Variants in SEC22C observed in about 807,000 individuals in gnomAD.
SEC22C encodes SEC22 homolog C, vesicle trafficking protein, also known as vesicle-trafficking protein SEC22c.
Under a neutral mutation model 34.7 loss-of-function variants are expected in SEC22C, and 29 were observed. The ratio of observed to expected loss-of-function variants is 0.84; its 90% confidence interval spans 0.62 to 1.14. The LOEUF is 1.14. Ranked by LOEUF, SEC22C falls within the 50% of genes most tolerant of loss-of-function variation. SEC22C has a pLI of 0.00. For missense variants in SEC22C, 337 were observed against 369.0 expected (o/e 0.91, Z 0.71); for synonymous variants, 117 against 132.8 (o/e 0.88, Z 0.82).
chr3:42,600,850 T>G (rs1705321845), intron 1 of SEC22C: 1 of 490,292 alleles, frequency 2.0e-6, no homozygotes, highest in East Asian at 3.7e-5. Flanking sequence ...GGGCCTCGTC[T>G]TGGCCTCCTG....
At chr3:42,579,783 G>A (rs1327004135) in intron 1 of SEC22C, among the ~76,000 whole-genome samples, 3 of 152,162 alleles carry the variant, frequency 2.0e-5, no homozygotes, top group African/African-American at 7.2e-5. Flanking sequence ...ATATTAGGAA[G>A]CACTCAGTAA....
At chr3:42,581,031 C>T (rs1435084312) in intron 1 of SEC22C, among the ~76,000 whole-genome samples, 1 of 152,224 alleles carries the variant, frequency 6.6e-6, no homozygotes, top group Non-Finnish European at 1.5e-5. Context: ...CAAATGCAAA[C>T]ACTTAAATCA....
chr3:42,566,547 T>C (rs9833459), intron 2 of SEC22C, among the ~76,000 whole-genome samples: 117,983 of 151,876 alleles, frequency 0.78, 46,935 homozygotes, highest in African/African-American at 0.95. Context: ...GGCGTGGTGG[T>C]GGGCACCTGT....
Position 42,551,789 on chromosome 3 carries a change from A to G in SEC22C, c.*1459T>C. On this transcript the variant is annotated 3_prime_UTR_variant, in exon 7 of 7. Transcript: ENST00000264454. ...GGTAGCTCAATAACAATACAATACC[A>G]GTGATAACCAAATATAATTGAATTT... 1.0e-6 allele frequency: 1 copy of G among 972,130 alleles called. No homozygotes were observed. Among genetic ancestry groups the G allele is most frequent in the Non-Finnish European group, 1.2e-6 (1 of 817,778 alleles). 60.2% of individuals were successfully genotyped at this position (972,130 alleles called of 1,614,324 possible).
chr3:42,561,058 C>T (rs917944916), intron 4 of SEC22C, 59 bp downstream of exon 4: 29 of 1,517,266 alleles, frequency 1.9e-5, no homozygotes, highest in Non-Finnish European at 2.5e-5. Flanking sequence ...AAAAAATCAA[C>T]GTCCATTTGA....
chr3:42,578,954 G>A (rs943661770), intron 1 of SEC22C, among the ~76,000 whole-genome samples: 1 of 152,104 alleles, frequency 6.6e-6, no homozygotes, highest in Non-Finnish European at 1.5e-5. Context: ...TTGAAATAAA[G>A]CTGCTCAAAG....
upstream of SEC22C, among the ~76,000 whole-genome samples, chr3:42,586,047 A>T (rs1408711081): frequency 2.6e-5 from 4 of 151,784 alleles, no homozygotes; most frequent in East Asian, 7.7e-4. Flanking sequence ...TCCAGCTACC[A>T]CCTTCTTTCC....
At chr3:42,557,447 T>G (rs903015557) in intron 5 of SEC22C, 131 bp downstream of exon 5, 4 of 461,488 alleles carry the variant, frequency 8.7e-6, no homozygotes, top group Admixed American at 7.8e-5. Flanking sequence ...AAGAATAAAA[T>G]TTATAATAAA....
Position 42,588,652 on chromosome 3 carries a change from C to T in SEC22C, c.-28+12308G>A, listed in dbSNP as rs574332619. 3.3e-5 allele frequency among the ~76,000 whole-genome samples: 5 copies of T among 151,918 alleles called. No homozygotes were observed. In the East Asian group the frequency reaches 9.7e-4, roughly 29 times the overall value. ...AAACTTTATGAACAAAAGTATAGGC[C>T]GGGCATGGTGGTTCATGCCCATAAT... On this transcript the variant is annotated intron_variant, in intron 1 of 6. Transcript: ENST00000417572.
intron 1 of SEC22C, among the ~76,000 whole-genome samples, chr3:42,581,628 T>C (rs1704358414): frequency 6.6e-6 from 1 of 152,216 alleles, no homozygotes; most frequent in Non-Finnish European, 1.5e-5. Flanking sequence ...GTGCCTTGGG[T>C]GGCCCCGGGG....
chr3:42,553,365 G>C lies in SEC22C; in HGVS notation c.795C>G (p.Tyr265Ter), dbSNP rs756942750. ...MLLFICLGNM[Y>*]LHGLRNLWQI... ...GCCAGAGGTTCCTCAGCCCGTGCAG[G>C]TACATGTTGCCCAGGCAAATAAAGA... The change falls in exon 7 of 7, where the codon TAC becomes TAG. Residue 265 changes from tyrosine to a stop codon, truncating the protein, a stop_gained. Transcript: ENST00000264454. LOFTEE classifies it high-confidence loss of function. 1.2e-6 allele frequency: 2 copies of C among 1,614,114 alleles called. No individual in the cohort carries two copies. The highest frequency in any genetic ancestry group is 2.2e-5 in the South Asian group (2 of 91,082).
intron 1 of SEC22C, chr3:42,587,292 A>T (rs1236635005): frequency 6.6e-6 from 1 of 152,300 alleles, no homozygotes; most frequent in Admixed American, 6.5e-5. Context: ...CTTAACCTCC[A>T]CTTTGCCTTT....
intron 1 of SEC22C, chr3:42,594,304 C>T: frequency 1.4e-6 from 1 of 717,630 alleles, no homozygotes; most frequent in Non-Finnish European, 2.5e-6. Flanking sequence ...GTTGATAACA[C>T]TGAATCATCC....
intron 4 of SEC22C, among the ~76,000 whole-genome samples, chr3:42,559,085 C>G (rs1340551685): frequency 6.6e-6 from 1 of 152,218 alleles, no homozygotes; most frequent in Non-Finnish European, 1.5e-5. Context: ...CTCATTTTCT[C>G]TGTAAAGATA....
intron 2 of SEC22C, among the ~76,000 whole-genome samples, chr3:42,564,926 T>C (rs1197039626): frequency 1.3e-5 from 2 of 151,970 alleles, no homozygotes; most frequent in Non-Finnish European, 2.9e-5. Flanking sequence ...CCTGGCTAAT[T>C]TTCGTGTTTT....
In SEC22C at chr3:42,551,103, G is replaced by A. The variant is rs898834148; in HGVS notation, c.*2145C>T. The A allele has an allele frequency of 3.7e-5, 36 of 980,566 alleles. No homozygotes were observed. Among genetic ancestry groups the A allele is most frequent in the South Asian group, 4.7e-5 (1 of 21,168 alleles). 60.7% of individuals were successfully genotyped at this position (980,566 alleles called of 1,614,324 possible). On this transcript the variant is annotated 3_prime_UTR_variant, in exon 7 of 7. Transcript: ENST00000264454. ...AGGATGGTCTCGATCTCTTGACCTC[G>A]TGATCTGCCCACCTCAGCTTCCCAA...
chr3:42,583,539 A>T (rs1704504083), upstream of SEC22C, among the ~76,000 whole-genome samples: 2 of 152,150 alleles, frequency 1.3e-5, no homozygotes, highest in South Asian at 4.1e-4. Context: ...CACCTTTGAG[A>T]CTTGGTTAGG....
chr3:42,590,633 A>G (rs894358138), intron 1 of SEC22C, among the ~76,000 whole-genome samples: 15 of 151,204 alleles, frequency 9.9e-5, no homozygotes, highest in African/African-American at 3.2e-4. Flanking sequence ...TGCTGACGCC[A>G]GGTAGGTCAG....
chr3:42,590,618 G>A (rs1304322746), intron 1 of SEC22C, among the ~76,000 whole-genome samples: 2 of 151,786 alleles, frequency 1.3e-5, no homozygotes, highest in Admixed American at 6.6e-5. Flanking sequence ...GCCTAACACT[G>A]GAGGTGCTGA....
Sources: gnomAD v4.1 joint callset for allele counts (sites outside exome capture counted in the v4.1 genomes callset) on GRCh38, gnomAD v4.1.1 for gene constraint, MANE v1.5 for transcripts, NCBI Gene and HGNC (gene_info 2026-07-23, HGNC 2026-07-21) for gene names.